Variants in ERG28 observed in about 807,000 individuals in gnomAD.
The protein encoded by ERG28 is ergosterol biosynthesis 28 homolog, also known as ergosterol biosynthetic protein 28 homolog.
A neutral mutation model predicts 15.7 loss-of-function variants in ERG28; 9 were observed. The ratio of observed to expected loss-of-function variants is 0.57; its 90% CI spans 0.35 to 1.00. The LOEUF is 1.00. ERG28 is among the 50% of genes least tolerant of loss of function. ERG28 has a pLI of 0.02. For synonymous variants in ERG28, 61 were observed against 68.4 expected (o/e 0.89, Z 0.53); for missense variants, 117 against 173.3 (o/e 0.68, Z 1.82).
At chr14:75,658,749 G>T (rs1310464980) in intron 1 of ERG28, among the ~76,000 whole-genome samples, 1 of 151,934 alleles carries the variant, frequency 6.6e-6, no homozygotes. Context: ...GTAACCTGTC[G>T]AATGTGTATG....
chr14:75,658,163 C>T (rs1448499270), intron 1 of ERG28, among the ~76,000 whole-genome samples: 1 of 152,098 alleles, frequency 6.6e-6, no homozygotes, highest in Non-Finnish European at 1.5e-5. Context: ...CTGTTATATT[C>T]GTTGTGTTTT....
At position 75,657,458 on chromosome 14, in the gene ERG28, C is replaced by T. The variant is rs1283256115; in HGVS notation, c.45G>A (p.Val15=). The T allele has an allele frequency of 1.2e-6, 2 of 1,614,102 alleles. No individual in the cohort carries two copies. Among genetic ancestry groups the T allele is most frequent in the Admixed American group, 1.7e-5 (1 of 60,012 alleles). The part of the protein sequence containing the change: ...LNVLRSWLVM[V]SIIAMGNTLQ... ...GCGTGTTCCCCATGGCTATGATGGA[C>T]ACCATAACCAGCCAACTTCTTAACA... is the stretch of plus-strand genomic sequence containing the variant. Residue 15 remains valine, a synonymous_variant, in exon 2 of 5, where the codon GTG becomes GTA. Coordinates refer to ENST00000256319, the MANE Select transcript of ERG28 (RefSeq NM_007176.4).
At chr14:75,654,494 T>C (rs768270033) in intron 3 of ERG28, among the ~76,000 whole-genome samples, 1 of 152,166 alleles carries the variant, frequency 6.6e-6, no homozygotes, top group East Asian at 1.9e-4. Context: ...TTTTCATGGA[T>C]TGTGATTTCT....
intron 3 of ERG28, among the ~76,000 whole-genome samples, chr14:75,654,374 T>C (rs900206566): frequency 7.2e-5 from 11 of 152,210 alleles, no homozygotes; most frequent in Non-Finnish European, 2.9e-5. Context: ...TGTTCCACCC[T>C]GGTCTGTTTG....
intron 3 of ERG28, among the ~76,000 whole-genome samples, chr14:75,654,652 T>C (rs942913315): frequency 2.1e-4 from 32 of 152,248 alleles, no homozygotes; most frequent in Admixed American, 6.5e-4. Flanking sequence ...CACTGGATAA[T>C]GGCCTGCCAG....
chr14:75,654,824 A>G, intron 3 of ERG28, 62 bp downstream of exon 3: 1 of 1,478,164 alleles, frequency 6.8e-7, no homozygotes, highest in African/African-American at 1.4e-5. Flanking sequence ...TCAAGGTAAC[A>G]GGTATGCCTC....
At chr14:75,652,527 A>C (rs1890540590) in intron 3 of ERG28, among the ~76,000 whole-genome samples, 1 of 152,238 alleles carries the variant, frequency 6.6e-6, no homozygotes, top group African/African-American at 2.4e-5. Context: ...GTGACTGACC[A>C]CTTTGTTTGC....
chr14:75,651,916 A>G (rs1454547585), intron 3 of ERG28, 27 bp from the exon 4 acceptor site: 3 of 1,547,396 alleles, frequency 1.9e-6, no homozygotes, highest in Non-Finnish European at 2.7e-6. Flanking sequence ...AGAAATGGGA[A>G]CCAAAGTTAC....
At chr14:75,659,059 C>G (rs1220970458) in intron 1 of ERG28, among the ~76,000 whole-genome samples, 1 of 152,170 alleles carries the variant, frequency 6.6e-6, no homozygotes, top group Non-Finnish European at 1.5e-5. Flanking sequence ...AAGCACCTAA[C>G]ATATATTACC....
intron 1 of ERG28, among the ~76,000 whole-genome samples, chr14:75,658,078 T>C (rs1311982980): frequency 1.3e-5 from 2 of 152,174 alleles, no homozygotes; most frequent in African/African-American, 4.8e-5. Flanking sequence ...ACAGAGCCCC[T>C]CTTGGCCTAG....
At chr14:75,654,723 GTTT>G (rs2140064113) in intron 3 of ERG28, among the ~76,000 whole-genome samples, 160 bp downstream of exon 3, 1 of 152,282 alleles carries the variant, frequency 6.6e-6, no homozygotes, top group South Asian at 2.1e-4. Context: ...GGTCTACTAT[GTTT>G]TCTAGGCTTG....
intron 1 of ERG28, among the ~76,000 whole-genome samples, chr14:75,658,190 A>T (rs1261155647): frequency 6.6e-6 from 1 of 152,170 alleles, no homozygotes; most frequent in Non-Finnish European, 1.5e-5. Flanking sequence ...TAGAGACAGC[A>T]ACTTACCAGC....
intron 3 of ERG28, among the ~76,000 whole-genome samples, chr14:75,652,817 C>CTTTTTTTTTTT (rs59570063): frequency 2.1e-5 from 2 of 96,212 alleles, no homozygotes; most frequent in African/African-American, 5.0e-5. Flanking sequence ...ATTTTTACAC[C>CTTTTTTTTTTT]TTTTTTTTTT....
chr14:75,651,718 G>C, intron 4 of ERG28, 53 bp downstream of exon 4: 2 of 1,590,872 alleles, frequency 1.3e-6, no homozygotes, highest in Non-Finnish European at 1.7e-6. Flanking sequence ...CTCTGTACTA[G>C]CTCTAGAGCT....
chr14:75,657,437 G>A lies in ERG28; in HGVS notation c.66C>T (p.Asn22=). ...TGTGGTCTCGGAAGCTCTGCAGCGTGTTCCCCATGGCTATGATGGACACCA... is the reference window on the plus strand; with the variant it reads ...TGTGGTCTCGGAAGCTCTGCAGCGTATTCCCCATGGCTATGATGGACACCA... The part of the protein sequence containing the change: ...LVMVSIIAMG[N]TLQSFRDHTF... The change falls in exon 2 of 5, where the codon AAC becomes AAT. Residue 22 remains asparagine (N), a synonymous_variant. Coordinates refer to ENST00000256319, the MANE Select transcript of ERG28 (RefSeq NM_007176.4). The A allele has an allele frequency of 6.2e-7, 1 of 1,614,010 alleles. No homozygotes were observed. Among genetic ancestry groups the A allele is most frequent in the South Asian group, 1.1e-5 (1 of 91,072 alleles).
intron 1 of ERG28, 53 bp from the exon 2 acceptor site, chr14:75,657,586 C>A: frequency 6.6e-7 from 1 of 1,522,888 alleles, no homozygotes; most frequent in Non-Finnish European, 9.0e-7. Context: ...CTATGTTAAC[C>A]ATAAGCAGGA....
intron 4 of ERG28, 42 bp from the exon 5 acceptor site, chr14:75,651,676 T>C (rs2140062557): frequency 6.3e-7 from 1 of 1,598,292 alleles, no homozygotes; most frequent in Non-Finnish European, 8.6e-7. Flanking sequence ...ATACATACGG[T>C]ACCTTTCTTC....
rs763726727 is a variant in ERG28 at position 75,657,454 on chromosome 14, T to G, written c.49A>C (p.Ile17Leu). The change falls in exon 2 of 5, where the codon ATC (isoleucine) becomes CTC (leucine). Residue 17 changes from isoleucine (I) to leucine (L), a missense_variant. Coordinates refer to ENST00000256319, the MANE Select transcript of ERG28 (RefSeq NM_007176.4). ...VLRSWLVMVS[I>L]IAMGNTLQSF... is the part of the protein sequence containing the mutation. ...TGCAGCGTGTTCCCCATGGCTATGA[T>G]GGACACCATAACCAGCCAACTTCTT... The G allele has an allele frequency of 6.2e-7, 1 of 1,614,144 alleles. No homozygotes were observed. Among genetic ancestry groups the G allele is most frequent in the Admixed American group, 1.7e-5 (1 of 60,020 alleles).
At chr14:75,660,496 T>A (rs1160140690) in intron 1 of ERG28, among the ~76,000 whole-genome samples, 3 of 152,190 alleles carry the variant, frequency 2.0e-5, no homozygotes, top group Admixed American at 6.5e-5. Flanking sequence ...AGGGCTATTG[T>A]AAGAATTATA....
Sources: gnomAD v4.1 joint callset for allele counts (sites outside exome capture counted in the v4.1 genomes callset) on GRCh38, gnomAD v4.1.1 for gene constraint, MANE v1.5 for transcripts, NCBI Gene and HGNC (gene_info 2026-07-23, HGNC 2026-07-21) for gene names.